EPHA6: variants seen among roughly 807,000 people sequenced by gnomAD.
EPHA6 encodes ephrin type-A receptor 6.
A neutral mutation model predicts 112.0 loss-of-function variants in EPHA6; 50 were observed. That is an observed-to-expected ratio of 0.45 (90% CI 0.36 to 0.56). EPHA6 has a LOEUF of 0.56. Among genes scored for constraint, EPHA6 ranks in the 20% least tolerant of loss-of-function variants. EPHA6 has a pLI of 0.00. For missense variants in EPHA6, 1,280 were observed against 1,417.4 expected (o/e 0.90, Z 1.56); for synonymous variants, 529 against 490.7 (o/e 1.08, Z -1.03).
intron 2 of EPHA6, among the ~76,000 whole-genome samples, chr3:96,885,187 T>G (rs774190881): frequency 1.3e-5 from 2 of 152,152 alleles, no homozygotes; most frequent in African/African-American, 4.8e-5. Context: ...GTAGTTTTTG[T>G]TTTTGGTTAT....
rs1295890895 is a variant in EPHA6, at chr3:96,828,743, C to T, written c.385+13735C>T. On this transcript the variant is annotated intron_variant, in intron 1 of 17. Coordinates refer to ENST00000389672, the MANE Select transcript of EPHA6 (RefSeq NM_001080448.3). ...CACTGTTCCATTCCCAACACCTCCA[C>T]AGCTCCATCATTCTGAGCTTCCTAA... Among the ~76,000 whole-genome samples, 3 of 152,164 alleles carry T rather than the reference C, an allele frequency of 2.0e-5. No homozygotes were observed. The East Asian group carries it at 5.8e-4, about 29-fold the overall frequency.
intron 12 of EPHA6, among the ~76,000 whole-genome samples, chr3:97,594,086 T>C (rs575878498): frequency 6.6e-5 from 10 of 152,188 alleles, no homozygotes; most frequent in Admixed American, 2.0e-4. Flanking sequence ...ATCCCAGTGA[T>C]TGGAATTTAG....
rs1461296566 is a variant in EPHA6 at position 97,757,576 on chromosome 3, T to C, written c.*8875T>C. The stretch of plus-strand genomic sequence containing the variant: ...CCCATGGATAATAAAGAGATTTTTT[T>C]CCAGCCATCATTAAATATAAAAATA... On this transcript the variant is annotated 3_prime_UTR_variant, in exon 18 of 18. Transcript: ENST00000389672. Among the ~76,000 whole-genome samples the C allele has an allele frequency of 6.6e-6, 1 of 151,612 alleles. No homozygotes were observed. Among genetic ancestry groups the C allele is most frequent in the East Asian group, 1.9e-4 (1 of 5,196 alleles).
intron 5 of EPHA6, among the ~76,000 whole-genome samples, chr3:97,402,265 A>G (rs1034143060): frequency 1.3e-5 from 2 of 152,004 alleles, no homozygotes; most frequent in Admixed American, 6.6e-5. Context: ...GAAGTCCCCA[A>G]CTGCTGTTGT....
At chr3:96,939,285 C>A (rs1004744503) in intron 2 of EPHA6, among the ~76,000 whole-genome samples, 2 of 152,136 alleles carry the variant, frequency 1.3e-5, no homozygotes, top group Non-Finnish European at 2.9e-5. Context: ...AATTTCAGAG[C>A]CAGTTATTGG....
At chr3:96,845,738 A>T (rs575006818) in intron 1 of EPHA6, among the ~76,000 whole-genome samples, 1 of 152,108 alleles carries the variant, frequency 6.6e-6, no homozygotes, top group African/African-American at 2.4e-5. Flanking sequence ...GAATTTGTTG[A>T]TATGAAGGGT....
chr3:97,432,283 C>G (rs1307556759), intron 6 of EPHA6, among the ~76,000 whole-genome samples: 1 of 152,098 alleles, frequency 6.6e-6, no homozygotes, highest in African/African-American at 2.4e-5. Flanking sequence ...AATATTACTT[C>G]TTACTCAAAG....
intron 14 of EPHA6, among the ~76,000 whole-genome samples, chr3:97,663,861 G>T (rs533765576): frequency 6.6e-6 from 1 of 152,110 alleles, no homozygotes; most frequent in Non-Finnish European, 1.5e-5. Context: ...GTAATGGGAT[G>T]GCTGGGTCAA....
chr3:97,351,084 G>A (rs559035724), intron 5 of EPHA6, among the ~76,000 whole-genome samples: 7 of 152,150 alleles, frequency 4.6e-5, no homozygotes, highest in Non-Finnish European at 7.4e-5. Flanking sequence ...TGAACAACAC[G>A]CTCCATATGT....
At chr3:97,196,821 C>T (rs185292020) in intron 3 of EPHA6, among the ~76,000 whole-genome samples, 239 of 151,778 alleles carry the variant, frequency 1.6e-3, no homozygotes, top group Admixed American at 3.0e-3. Flanking sequence ...CTTCCCTTAC[C>T]CCAAACAAAT....
chr3:97,375,571 A>G (rs1201910745), intron 5 of EPHA6, among the ~76,000 whole-genome samples: 1 of 152,310 alleles, frequency 6.6e-6, no homozygotes, highest in Non-Finnish European at 1.5e-5. Context: ...ACTTAAGAAC[A>G]TAGTTTATGA....
intron 1 of EPHA6, among the ~76,000 whole-genome samples, chr3:96,860,792 T>C (rs2035964466): frequency 6.6e-6 from 1 of 152,114 alleles, no homozygotes; most frequent in African/African-American, 2.4e-5. Context: ...CCCTGAGTAA[T>C]TGAGACAAAT....
At chr3:97,257,650 C>T (rs972355141) in intron 5 of EPHA6, among the ~76,000 whole-genome samples, 7 of 152,044 alleles carry the variant, frequency 4.6e-5, no homozygotes, top group African/African-American at 1.4e-4. Context: ...TTATTATACT[C>T]TTTAAATCCA....
chr3:97,515,082 T>C (rs2092426668), intron 10 of EPHA6, among the ~76,000 whole-genome samples: 2 of 152,304 alleles, frequency 1.3e-5, no homozygotes, highest in South Asian at 4.1e-4. Flanking sequence ...CTAAAGACGA[T>C]AGTTGGTGGT....
chr3:96,947,362 G>A (rs112336228), intron 2 of EPHA6, among the ~76,000 whole-genome samples: 4,263 of 152,174 alleles, frequency 0.028, 199 homozygotes, highest in African/African-American at 0.095. Context: ...TTTGTATAAG[G>A]CATAAGGAAG....
At chr3:96,967,739 C>T (rs977875127) in intron 2 of EPHA6, among the ~76,000 whole-genome samples, 1 of 151,302 alleles carries the variant, frequency 6.6e-6, no homozygotes, top group Non-Finnish European at 1.5e-5. Context: ...TTAAGCACTT[C>T]GATTGATTTT....
chr3:97,160,615 A>G (rs2076392479), intron 3 of EPHA6, among the ~76,000 whole-genome samples: 1 of 152,032 alleles, frequency 6.6e-6, no homozygotes, highest in African/African-American at 2.4e-5. Flanking sequence ...AGAGAGGTCT[A>G]TCCACATGCA....
chr3:97,044,835 A>T (rs1207017402), intron 3 of EPHA6, among the ~76,000 whole-genome samples: 1 of 152,106 alleles, frequency 6.6e-6, no homozygotes, highest in Non-Finnish European at 1.5e-5. Context: ...AAAAAAGTGG[A>T]GGTAAACTAT....
At chr3:96,997,019 T>G (rs1004588482) in intron 3 of EPHA6, among the ~76,000 whole-genome samples, 2 of 152,106 alleles carry the variant, frequency 1.3e-5, no homozygotes, top group African/African-American at 4.8e-5. Flanking sequence ...CATCAGCACC[T>G]GCTGCTTTAC....
Sources: gnomAD v4.1 joint callset for allele counts (sites outside exome capture counted in the v4.1 genomes callset) on GRCh38, gnomAD v4.1.1 for gene constraint, MANE v1.5 for transcripts, NCBI Gene and HGNC (gene_info 2026-07-23, HGNC 2026-07-21) for gene names.